Variants in CAST observed in about 807,000 individuals in gnomAD.
The protein encoded by CAST is calpastatin, also known as MIR583 host.
CAST carries 76 observed loss-of-function variants against 119.6 expected under a neutral mutation model. The ratio of observed to expected loss-of-function variants is 0.64; its 90% CI spans 0.53 to 0.77. The LOEUF is 0.77. Among genes scored for constraint, CAST ranks in the 30% least tolerant of loss-of-function variants. CAST has a pLI of 0.00. For synonymous variants in CAST, 319 were observed against 331.6 expected, an observed-to-expected ratio of 0.96 and a Z score of 0.41; for missense variants, 953 against 946.5, an observed-to-expected ratio of 1.01 and a Z score of -0.09.
chr5:96,068,512 TG>T, the CAST span, among the ~76,000 whole-genome samples: 1 of 151,692 alleles, frequency 6.6e-6, no homozygotes, highest in Non-Finnish European at 1.5e-5. Flanking sequence ...ACTAAACATC[TG>T]ATATGGGAAC....
the CAST span, chr5:96,391,766 G>A: frequency 1.3e-5 from 2 of 152,162 alleles, no homozygotes; most frequent in Non-Finnish European, 2.9e-5. Flanking sequence ...GCAAAGATGG[G>A]TCCGAGAATG....
At chr5:96,505,227 A>G in the CAST span, among the ~76,000 whole-genome samples, 2 of 152,234 alleles carry the variant, frequency 1.3e-5, no homozygotes, top group East Asian at 1.9e-4. Context: ...TCAAGGTTGT[A>G]TTGGCCATGA....
the CAST span, among the ~76,000 whole-genome samples, chr5:96,003,916 G>A: frequency 0.019 from 2,891 of 152,190 alleles, 87 homozygotes; most frequent in African/African-American, 0.066. Flanking sequence ...ATATTCAGGC[G>A]TTTTAAATAG....
At chr5:96,469,703 C>T in the CAST span, among the ~76,000 whole-genome samples, 1 of 151,404 alleles carries the variant, frequency 6.6e-6, no homozygotes, top group Non-Finnish European at 1.5e-5. Flanking sequence ...ATATGATTTA[C>T]ATCAAATACT....
intron 1 of CAST, among the ~76,000 whole-genome samples, chr5:96,653,015 C>T (rs1242594028): frequency 6.6e-6 from 1 of 152,224 alleles, no homozygotes; most frequent in Non-Finnish European, 1.5e-5. Flanking sequence ...CCTTGAGACC[C>T]ATCAGGGTCC....
At chr5:96,173,827 G>A in the CAST span, among the ~76,000 whole-genome samples, 1 of 151,278 alleles carries the variant, frequency 6.6e-6, no homozygotes, top group Non-Finnish European at 1.5e-5. Flanking sequence ...TGCAAGCTCC[G>A]CCTCACGGGT....
At chr5:96,055,525 G>T in the CAST span, among the ~76,000 whole-genome samples, 1 of 152,124 alleles carries the variant, frequency 6.6e-6, no homozygotes, top group Admixed American at 6.6e-5. Flanking sequence ...TCAATATAAG[G>T]TGAATGTTTC....
the CAST span, among the ~76,000 whole-genome samples, chr5:96,091,204 C>T: frequency 6.6e-6 from 1 of 150,828 alleles, no homozygotes; most frequent in Admixed American, 6.6e-5. Context: ...CTGAATCTCT[C>T]TCTTTTTTTT....
At chr5:96,279,962 C>T in the CAST span, among the ~76,000 whole-genome samples, 11 of 152,216 alleles carry the variant, frequency 7.2e-5, no homozygotes, top group Non-Finnish European at 1.5e-4. Flanking sequence ...AAAGCACATC[C>T]TTTAGCGCCA....
the CAST span, among the ~76,000 whole-genome samples, chr5:96,028,926 C>G: frequency 6.6e-6 from 1 of 152,012 alleles, no homozygotes; most frequent in Non-Finnish European, 1.5e-5. Context: ...TGGATAACAA[C>G]AAAGGTGAGC....
intron 3 of CAST, among the ~76,000 whole-genome samples, chr5:96,708,356 G>A (rs42442): frequency 6.6e-6 from 1 of 152,220 alleles, no homozygotes; most frequent in South Asian, 2.1e-4. Flanking sequence ...GATCTATCTT[G>A]CAGTCGCTTA....
chr5:96,666,143 C>T (rs1465832988), intron 1 of CAST, among the ~76,000 whole-genome samples: 1 of 152,032 alleles, frequency 6.6e-6, no homozygotes. Flanking sequence ...CAGATGTGTT[C>T]GTTTAACAGC....
chr5:96,713,933 C>G (rs1338910831), intron 3 of CAST, among the ~76,000 whole-genome samples: 1 of 152,128 alleles, frequency 6.6e-6, no homozygotes, highest in Non-Finnish European at 1.5e-5. Context: ...CAAGGTCATG[C>G]TACTGCACTC....
At chr5:96,561,866 C>G (rs1255419208) in intron 1 of CAST, among the ~76,000 whole-genome samples, 5 of 129,976 alleles carry the variant, frequency 3.8e-5, no homozygotes, top group African/African-American at 1.1e-4. Flanking sequence ...GATCTCGGCT[C>G]ACTGCAAGCT....
chr5:96,565,431 A>C (rs1580827177), intron 1 of CAST, among the ~76,000 whole-genome samples: 2 of 152,330 alleles, frequency 1.3e-5, no homozygotes, highest in South Asian at 4.1e-4. Flanking sequence ...CAAGTAGTAC[A>C]TCACATGGCA....
the CAST span, among the ~76,000 whole-genome samples, chr5:96,403,309 C>G: frequency 1.3e-5 from 2 of 152,114 alleles, no homozygotes; most frequent in East Asian, 3.9e-4. Context: ...TACATGTGCA[C>G]AACGTGCAGT....
At chr5:96,150,261 G>A in the CAST span, among the ~76,000 whole-genome samples, 1 of 152,200 alleles carries the variant, frequency 6.6e-6, no homozygotes, top group African/African-American at 2.4e-5. Context: ...TACCTCTGCA[G>A]GACTGGTGGA....
chr5:96,390,225 C>A, the CAST span, among the ~76,000 whole-genome samples: 1 of 152,168 alleles, frequency 6.6e-6, no homozygotes, highest in Non-Finnish European at 1.5e-5. Flanking sequence ...CTTAAATTGA[C>A]TCCAAGAAAG....
At chr5:96,352,582 A>G in the CAST span, among the ~76,000 whole-genome samples, 50 of 152,328 alleles carry the variant, frequency 3.3e-4, no homozygotes, top group African/African-American at 1.1e-3. Flanking sequence ...CAACAGGGGT[A>G]ACACCATTCC....
Sources: allele counts gnomAD v4.1 joint callset (sites outside exome capture counted in the v4.1 genomes callset), GRCh38; gene constraint gnomAD v4.1.1; transcripts MANE v1.5; gene names NCBI Gene and HGNC (gene_info 2026-07-23, HGNC 2026-07-21).